The following CALN1 variants were observed in gnomAD, a reference collection of about 807,000 sequenced individuals.
CALN1 encodes calcium-binding protein 8.
Under a neutral mutation model 30.6 loss-of-function variants are expected in CALN1, and 17 were observed. The ratio of observed to expected loss-of-function variants is 0.56; its 90% CI spans 0.38 to 0.83. CALN1 has a LOEUF of 0.83. Among genes scored for constraint, CALN1 ranks in the 40% least tolerant of loss-of-function variants. CALN1 has a pLI of 0.00. For missense variants in CALN1, 291 were observed against 354.9 expected, an observed-to-expected ratio of 0.82 and a Z score of 1.45; for synonymous variants, 156 against 131.4, an observed-to-expected ratio of 1.19 and a Z score of -1.28.
chr7:72,466,961 G>A, the CALN1 span, among the ~76,000 whole-genome samples: 1,349 of 152,260 alleles, frequency 8.9e-3, 14 homozygotes, highest in Non-Finnish European at 0.011. Flanking sequence ...GCAGAGGAAG[G>A]TCACTTAGGG....
intron 2 of CALN1, among the ~76,000 whole-genome samples, chr7:72,342,800 G>A (rs191568970): frequency 6.6e-6 from 1 of 152,114 alleles, no homozygotes; most frequent in East Asian, 1.9e-4. Flanking sequence ...AGACACCCAA[G>A]GGTAGAGGGT....
intron 3 of CALN1, among the ~76,000 whole-genome samples, chr7:72,161,088 A>G (rs1431411230): frequency 6.6e-6 from 1 of 152,190 alleles, no homozygotes; most frequent in East Asian, 1.9e-4. Context: ...TGTCCCTTCT[A>G]CAGAGTCAGG....
At chr7:72,416,750 A>C (rs1468420970), upstream of CALN1, among the ~76,000 whole-genome samples, 25 of 150,964 alleles carry the variant, frequency 1.7e-4, no homozygotes, top group Middle Eastern at 3.4e-3. Flanking sequence ...AAAAAAAAAA[A>C]AAAAAAAAAA....
At chr7:72,048,909 C>A (rs575764007) in intron 4 of CALN1, among the ~76,000 whole-genome samples, 1 of 152,024 alleles carries the variant, frequency 6.6e-6, no homozygotes, top group African/African-American at 2.4e-5. Context: ...ATTTTCGGCC[C>A]AAGCAATCCT....
chr7:71,922,932 C>G (rs1795049440), intron 5 of CALN1, among the ~76,000 whole-genome samples: 1 of 146,590 alleles, frequency 6.8e-6, no homozygotes, highest in Non-Finnish European at 1.5e-5. Context: ...ACAATGTGTG[C>G]TTATAGATAT....
chr7:71,839,772 C>G (rs1789825798), intron 5 of CALN1, among the ~76,000 whole-genome samples: 1 of 152,258 alleles, frequency 6.6e-6, no homozygotes, highest in East Asian at 1.9e-4. Flanking sequence ...GGCGGCATCT[C>G]AAGGCACTAA....
At chr7:72,411,303 C>T (rs763514632) in intron 1 of CALN1, among the ~76,000 whole-genome samples, 9 of 152,030 alleles carry the variant, frequency 5.9e-5, no homozygotes, top group Non-Finnish European at 1.0e-4. Flanking sequence ...AATATTTTGA[C>T]TGAGCTTTCC....
chr7:72,412,544 C>T (rs1007845897), upstream of CALN1, among the ~76,000 whole-genome samples: 1 of 152,146 alleles, frequency 6.6e-6, no homozygotes, highest in African/African-American at 2.4e-5. Context: ...CCGATTGGTG[C>T]ATTTACAATC....
chr7:72,106,812 GGAAGGGAGGGAGGA>G (rs1807182060), intron 3 of CALN1, among the ~76,000 whole-genome samples: 3 of 65,954 alleles, frequency 4.5e-5, no homozygotes, highest in Admixed American at 1.4e-4. Flanking sequence ...GAGGGAGGAA[GGAAGGGAGGGAGGA>G]AGGAAGGGAG....
intron 2 of CALN1, among the ~76,000 whole-genome samples, chr7:72,401,679 G>C (rs1238831133): frequency 6.6e-6 from 1 of 152,122 alleles, no homozygotes; most frequent in Non-Finnish European, 1.5e-5. Context: ...CGCAACTCTT[G>C]CCAAAAAATT....
chr7:72,046,709 T>TAAAAA (rs59664699), intron 4 of CALN1, among the ~76,000 whole-genome samples: 22 of 51,860 alleles, frequency 4.2e-4, no homozygotes, highest in Non-Finnish European at 7.2e-4. Flanking sequence ...GACTCCCTCT[T>TAAAAA]AAAAAAAAAA....
At chr7:72,381,343 C>A (rs947255756) in intron 2 of CALN1, among the ~76,000 whole-genome samples, 1 of 152,094 alleles carries the variant, frequency 6.6e-6, no homozygotes, top group Non-Finnish European at 1.5e-5. Flanking sequence ...TGGGTATATA[C>A]CCAAAGGATT....
chr7:71,951,869 C>A (rs1001051890), intron 5 of CALN1, among the ~76,000 whole-genome samples: 3 of 152,032 alleles, frequency 2.0e-5, no homozygotes, highest in Admixed American at 6.6e-5. Context: ...AAGCGACTTG[C>A]AGAATGGTGG....
chr7:71,849,172 T>C (rs527284731), intron 5 of CALN1, among the ~76,000 whole-genome samples: 1 of 152,318 alleles, frequency 6.6e-6, no homozygotes, highest in East Asian at 1.9e-4. Flanking sequence ...CTTATTTTTA[T>C]AAGTGCTGCT....
At chr7:72,413,738 A>G (rs68078798), upstream of CALN1, among the ~76,000 whole-genome samples, 25,248 of 151,966 alleles carry the variant, frequency 0.17, 3,126 homozygotes, top group East Asian at 0.34. Context: ...ACACACGCAC[A>G]GCACATATGC....
intron 4 of CALN1, among the ~76,000 whole-genome samples, chr7:72,087,189 G>A (rs572317120): frequency 2.6e-5 from 4 of 152,200 alleles, no homozygotes; most frequent in African/African-American, 9.6e-5. Context: ...TGATCTAAAT[G>A]TTTCACCCAC....
intron 3 of CALN1, among the ~76,000 whole-genome samples, chr7:72,206,468 A>G (rs1160220968): frequency 1.3e-5 from 2 of 152,184 alleles, no homozygotes; most frequent in African/African-American, 4.8e-5. Flanking sequence ...TGTGACTTGC[A>G]ATTGCATGAT....
At position 71,890,746 on chromosome 7, in the gene CALN1, C is replaced by CTTTT. The variant is rs10690153; in HGVS notation, c.502-80258_502-80255dup. Reference sequence around the variant, plus strand: ...TCAAATGTGCAATTTTGTTTTCTAGCTTTTTTTTTTTTTTTTTGAGATGGT... The same window carrying CTTTT: ...TCAAATGTGCAATTTTGTTTTCTAGCTTTTTTTTTTTTTTTTTTTTTGAGATGGT... On this transcript the variant is annotated intron_variant, in intron 5 of 6. Transcript: ENST00000395275. Among the ~76,000 whole-genome samples the CTTTT allele has an allele frequency of 1.2e-3, 147 of 123,204 alleles. 8 individuals are homozygous for CTTTT. The highest frequency in any genetic ancestry group is 1.7e-3 in the Non-Finnish European group (104 of 61,754). 80.8% of individuals were successfully genotyped at this position (123,204 alleles called of 152,430 possible).
intron 3 of CALN1, among the ~76,000 whole-genome samples, chr7:72,202,488 T>C (rs768717727): frequency 2.0e-5 from 3 of 152,196 alleles, no homozygotes; most frequent in Non-Finnish European, 4.4e-5. Context: ...AGAATATGTA[T>C]TGAAATGCTG....
Sources: allele counts gnomAD v4.1 joint callset (sites outside exome capture counted in the v4.1 genomes callset), GRCh38; gene constraint gnomAD v4.1.1; transcripts MANE v1.5; gene names NCBI Gene and HGNC (gene_info 2026-07-23, HGNC 2026-07-21).